Variants in ARHGEF18 observed in about 807,000 individuals in gnomAD.
ARHGEF18 encodes Rho/Rac guanine nucleotide exchange factor 18.
ARHGEF18 carries 93 observed loss-of-function variants against 155.7 expected under a neutral mutation model. The ratio of observed to expected loss-of-function variants is 0.60; its 90% CI spans 0.50 to 0.71. ARHGEF18 has a LOEUF of 0.71. Ranked by LOEUF, ARHGEF18 falls within the 30% of genes least tolerant of loss-of-function variation. ARHGEF18 has a pLI of 0.00. For missense variants in ARHGEF18, 1,593 were observed against 1,816.1 expected (o/e 0.88, Z 2.23); for synonymous variants, 742 against 753.1 (o/e 0.99, Z 0.24).
rs1175718376 is a variant in ARHGEF18 at position 7,470,553 on chromosome 19, AAGTTG to A, written c.*258_*262del. On this transcript the variant is annotated 3_prime_UTR_variant, in exon 29 of 29. Coordinates refer to ENST00000668164, the MANE Select transcript of ARHGEF18 (RefSeq NM_001367823.1). This position sits in a 1 kb window ranked among gnomAD's most constrained non-coding sequence, Gnocchi z 5.9. ...TTCAAAAAGGAAAGTTTTTAATGGA[AAGTTG>A]AGCCAGAACTAAACCAGGGAGCTGT... 2.5e-6 allele frequency: 1 copy of A among 401,138 alleles called. No individual in the cohort carries two copies. The highest frequency in any genetic ancestry group is 4.3e-6 in the Non-Finnish European group (1 of 229,980). 24.8% of individuals were successfully genotyped at this position (401,138 alleles called of 1,614,324 possible).
intron 11 of ARHGEF18, 66 bp from the exon 12 acceptor site, chr19:7,441,587 G>C: frequency 7.9e-7 from 1 of 1,258,942 alleles, no homozygotes; most frequent in Non-Finnish European, 1.2e-6. Flanking sequence ...ATGTGCCTTT[G>C]TTGCATGAGG....
chr19:7,428,780 T>G (rs1474635201), intron 10 of ARHGEF18, among the ~76,000 whole-genome samples: 3 of 152,128 alleles, frequency 2.0e-5, no homozygotes, highest in Non-Finnish European at 4.4e-5. Flanking sequence ...GTGCCCTCCC[T>G]GATCTCTCTC....
intron 3 of ARHGEF18, 25 bp from the exon 4 acceptor site, chr19:7,375,695 C>A (rs1162375150): frequency 8.1e-7 from 1 of 1,234,020 alleles, no homozygotes; most frequent in Non-Finnish European, 1.0e-6. Context: ...CTGCTGAAGC[C>A]CCAGTACCCT....
chr19:7,469,978 C>T lies in ARHGEF18; in HGVS notation c.3862C>T (p.Arg1288Cys), dbSNP rs139699006. ...AGATGAGAGCACCTCACGGAACCGC[C>T]GCTCGCTGAGCCCTATCCTGCCCGG... ...GKDESTSRNR[R>C]SLSPILPGRH... Residue 1288 changes from arginine (R) to cysteine (C), a missense_variant, in exon 28 of 29, where the codon CGC (arginine) becomes TGC (cysteine). Coordinates refer to ENST00000668164, the MANE Select transcript of ARHGEF18 (RefSeq NM_001367823.1). 9.3e-6 allele frequency: 15 copies of T among 1,613,208 alleles called. No individual in the cohort carries two copies. In the Admixed American group the frequency reaches 1.3e-4, roughly 14 times the overall value.
chr19:7,362,230 A>G (rs965552852), intron 1 of ARHGEF18, among the ~76,000 whole-genome samples: 2 of 131,460 alleles, frequency 1.5e-5, no homozygotes, highest in South Asian at 4.3e-4. Flanking sequence ...AAGAAGAGGA[A>G]GAAGAAGACA....
At position 7,467,049 on chromosome 19, in the gene ARHGEF18, A is replaced by T. The variant is rs891614459; in HGVS notation, c.2962-22A>T. 9 of 1,610,292 alleles carry T rather than the reference A, an allele frequency of 5.6e-6. No homozygotes were observed. The African/African-American group carries it at 1.1e-4, about 19-fold the overall frequency. On this transcript the variant is annotated intron_variant, in intron 24 of 28. Coordinates refer to ENST00000668164, the MANE Select transcript of ARHGEF18 (RefSeq NM_001367823.1). ...TGGCCTCAGCCCGATAACTAGCATC[A>T]ATCTCCCTCTCCTCTCCGCAGCTTG... is the stretch of plus-strand genomic sequence containing the variant.
rs1831249903 is a variant in ARHGEF18 at position 7,463,100 on chromosome 19, C to T, written c.2636-718C>T. ...CCACCCTCCTCTGCCTCCCAAGGTGCTGGGATTATAGGCGTGAGCCACCGC... is the reference window on the plus strand; with the variant it reads ...CCACCCTCCTCTGCCTCCCAAGGTGTTGGGATTATAGGCGTGAGCCACCGC... On this transcript the variant is annotated intron_variant, in intron 21 of 28. Transcript: ENST00000668164. The surrounding 1 kb of genome is among the most constrained non-coding windows in gnomAD (Gnocchi z 5.2). 6.6e-6 allele frequency among the ~76,000 whole-genome samples: 1 copy of T among 152,166 alleles called. No homozygotes were observed. The highest frequency in any genetic ancestry group is 1.5e-5 in the Non-Finnish European group (1 of 68,032).
chr19:7,351,288 C>T (rs2145305813), intron 1 of ARHGEF18, among the ~76,000 whole-genome samples: 1 of 151,752 alleles, frequency 6.6e-6, no homozygotes, highest in African/African-American at 2.4e-5. Context: ...GTAAGCAAGT[C>T]TGCTAGAGTG....
intron 26 of ARHGEF18, among the ~76,000 whole-genome samples, chr19:7,468,454 G>A (rs1195779611): frequency 6.6e-6 from 1 of 152,200 alleles, no homozygotes; most frequent in Non-Finnish European, 1.5e-5. Context: ...GGCTGAGGCA[G>A]GGGGATCATT....
chr19:7,397,044 G>A (rs1384086116), intron 10 of ARHGEF18, among the ~76,000 whole-genome samples: 1 of 140,258 alleles, frequency 7.1e-6, no homozygotes, highest in East Asian at 2.2e-4. Context: ...CCGAGTCAGG[G>A]TTTACGCTTT....
chr19:7,392,236 G>A (rs562201479), intron 10 of ARHGEF18, among the ~76,000 whole-genome samples: 17 of 99,910 alleles, frequency 1.7e-4, no homozygotes, highest in East Asian at 9.3e-4. Context: ...GTGAGACTCC[G>A]TCTCAAAAAA....
At chr19:7,459,457 C>G (rs538946700) in intron 19 of ARHGEF18, among the ~76,000 whole-genome samples, 2 of 152,118 alleles carry the variant, frequency 1.3e-5, no homozygotes, top group African/African-American at 4.8e-5. Flanking sequence ...TGGCCTCAAG[C>G]CATCCTCCTG....
chr19:7,457,544 G>A (rs961143725), intron 18 of ARHGEF18, among the ~76,000 whole-genome samples: 3 of 151,604 alleles, frequency 2.0e-5, no homozygotes, highest in Non-Finnish European at 4.4e-5. Flanking sequence ...TGTATTTTTA[G>A]TAGAGATGGG....
Position 7,372,949 on chromosome 19 carries a change from C to A in ARHGEF18, c.153C>A (p.Asp51Glu). 7 of 1,234,576 alleles carry A rather than the reference C, an allele frequency of 5.7e-6. No individual in the cohort carries two copies. Among genetic ancestry groups the A allele is most frequent in the Non-Finnish European group, 7.1e-6 (7 of 988,328 alleles). The allele number at this position is 1,234,576 out of a possible 1,614,324, so 76.5% of individuals were successfully genotyped here. Residue 51 changes from aspartate (D) to glutamate (E), a missense_variant, in exon 3 of 29, where the codon GAC becomes GAA. Asp to Glu is a conservative substitution (Grantham distance 45). Coordinates refer to ENST00000668164, the MANE Select transcript of ARHGEF18 (RefSeq NM_001367823.1). ...PSHSQPGETP[D>E]SRPTGEEPGR... ...ACAGCCAGCCTGGGGAGACCCCAGA[C>A]AGCCGCCCCACCGGTGAAGAACCAG... is the stretch of plus-strand genomic sequence containing the variant.
chr19:7,445,274 C>T (rs187104701), intron 14 of ARHGEF18, among the ~76,000 whole-genome samples: 42 of 152,184 alleles, frequency 2.8e-4, no homozygotes, highest in African/African-American at 9.1e-4. Flanking sequence ...AGCAAGACCC[C>T]GTATCTACAA....
chr19:7,446,162 C>T (rs762298706), intron 14 of ARHGEF18, among the ~76,000 whole-genome samples: 8 of 152,066 alleles, frequency 5.3e-5, no homozygotes, highest in Non-Finnish European at 8.8e-5. Context: ...CTTTGGGAGG[C>T]TGAGTGGGGG....
intron 10 of ARHGEF18, among the ~76,000 whole-genome samples, chr19:7,411,578 A>T (rs1025626012): frequency 6.6e-6 from 1 of 152,176 alleles, no homozygotes; most frequent in Non-Finnish European, 1.5e-5. Context: ...AAGTGCTGGG[A>T]TGACAGGTGT....
At chr19:7,453,362 G>C in intron 16 of ARHGEF18, 105 bp from the exon 17 acceptor site, 1 of 1,371,490 alleles carries the variant, frequency 7.3e-7, no homozygotes. Context: ...CATACATAGT[G>C]TGTCCACACA....
At chr19:7,417,790 G>A (rs1973106574) in intron 10 of ARHGEF18, among the ~76,000 whole-genome samples, 2 of 152,164 alleles carry the variant, frequency 1.3e-5, no homozygotes, top group South Asian at 4.1e-4. Flanking sequence ...GAGGAGGCCG[G>A]GGTGGGTGGA....
Sources: allele counts gnomAD v4.1 joint callset (sites outside exome capture counted in the v4.1 genomes callset), GRCh38; gene constraint gnomAD v4.1.1; non-coding constraint Gnocchi (gnomAD v3.1); transcripts MANE v1.5; gene names NCBI Gene and HGNC (gene_info 2026-07-23, HGNC 2026-07-21).